ARHGEF12: variants seen among roughly 807,000 people sequenced by gnomAD.
ARHGEF12 encodes the protein Rho guanine nucleotide exchange factor 12, also known as KMT2A/ARHGEF12 fusion protein.
In ARHGEF12, 66 loss-of-function variants were observed where a neutral mutation model predicts 211.2. The ratio of observed to expected loss-of-function variants is 0.31; its 90% CI spans 0.26 to 0.38. ARHGEF12 has a LOEUF of 0.38. Among genes scored for constraint, ARHGEF12 ranks in the 10% least tolerant of loss-of-function variants. ARHGEF12 has a pLI of 1.00. For missense variants in ARHGEF12, 1,429 were observed against 1,869.5 expected (o/e 0.76, Z 4.34); for synonymous variants, 592 against 638.4 (o/e 0.93, Z 1.09).
rs761648305 is a variant in ARHGEF12, at chr11:120,441,767, T to C, written c.1153T>C (p.Leu385=). 1.2e-6 allele frequency: 2 copies of C among 1,613,914 alleles called. No individual in the cohort carries two copies. Among genetic ancestry groups the C allele is most frequent in the South Asian group, 2.2e-5 (2 of 91,074 alleles). The change falls in exon 14 of 41, where the codon TTG becomes CTG. Residue 385 remains leucine, a synonymous_variant. Transcript: ENST00000397843. ...ATTACTAAAATCTCGCCCGGCTCAT[T>C]TGGCTGTTTTCTTACACCATGTAGT... The part of the protein sequence containing the change: ...IELLKSRPAH[L]AVFLHHVVSQ...
chr11:120,484,988 C>T (rs1947362366), intron 40 of ARHGEF12, 79 bp from the exon 41 acceptor site: 9 of 1,457,920 alleles, frequency 6.2e-6, no homozygotes, highest in Non-Finnish European at 7.6e-6. Flanking sequence ...ACCACGCCCA[C>T]AGATGTCATG....
At chr11:120,427,938 C>T (rs1945397319) in intron 7 of ARHGEF12, 131 bp from the exon 8 acceptor site, 1 of 645,138 alleles carries the variant, frequency 1.6e-6, no homozygotes, top group Non-Finnish European at 2.4e-6. Context: ...CATGATGTAG[C>T]AGATGATGGG....
At chr11:120,378,013 A>G (rs972678321) in intron 1 of ARHGEF12, among the ~76,000 whole-genome samples, 1 of 150,750 alleles carries the variant, frequency 6.6e-6, no homozygotes, top group Non-Finnish European at 1.5e-5. Context: ...GGATCCTCCC[A>G]CCTCACCCTC....
intron 1 of ARHGEF12, among the ~76,000 whole-genome samples, chr11:120,382,576 A>G (rs111545818): frequency 7.9e-5 from 12 of 152,338 alleles, no homozygotes; most frequent in African/African-American, 2.9e-4. Flanking sequence ...GATTGTACCA[A>G]GTAATTTTCT....
chr11:120,377,747 A>G (rs1413228093), intron 1 of ARHGEF12, among the ~76,000 whole-genome samples: 1 of 152,076 alleles, frequency 6.6e-6, no homozygotes, highest in African/African-American at 2.4e-5. Context: ...TGAATAAGTC[A>G]GTTTCTTTAT....
At chr11:120,409,363 ATC>A (rs1565459973) in intron 3 of ARHGEF12, 29 bp from the exon 4 acceptor site, 2 of 1,610,570 alleles carry the variant, frequency 1.2e-6, no homozygotes, top group Non-Finnish European at 1.7e-6. Flanking sequence ...TATTTTCTAT[ATC>A]TCTCTCCTTT....
At chr11:120,433,621 T>G (rs1945609865) in intron 11 of ARHGEF12, among the ~76,000 whole-genome samples, 1 of 152,126 alleles carries the variant, frequency 6.6e-6, no homozygotes, top group South Asian at 2.1e-4. Context: ...TAGAGGAATG[T>G]TACAATAAAA....
intron 35 of ARHGEF12, 27 bp from the exon 36 acceptor site, chr11:120,477,419 GT>G (rs371114939): frequency 0.06 from 74,453 of 1,232,582 alleles, 1 homozygote; most frequent in Middle Eastern, 0.08. Context: ...GAAGGTAAAA[GT>G]TTTTTTTTTT....
chr11:120,362,091 T>C (rs1316773576), intron 1 of ARHGEF12, among the ~76,000 whole-genome samples: 2 of 152,218 alleles, frequency 1.3e-5, no homozygotes, highest in African/African-American at 2.4e-5. Flanking sequence ...AGAAAGAATA[T>C]CATGCTTGAT....
At chr11:120,438,860 A>T (rs560636585) in intron 12 of ARHGEF12, 2 of 152,218 alleles carry the variant, frequency 1.3e-5, no homozygotes, top group Admixed American at 1.3e-4. Flanking sequence ...GCATGTATTT[A>T]TGTATGTATA....
intron 36 of ARHGEF12, 101 bp downstream of exon 36, chr11:120,477,627 G>C: frequency 9.3e-7 from 1 of 1,076,108 alleles, no homozygotes; most frequent in Non-Finnish European, 1.4e-6. Flanking sequence ...TGCTTTGGGA[G>C]GTCGAGATAG....
chr11:120,474,188 ATAGAC>A (rs1946958333), intron 31 of ARHGEF12, among the ~76,000 whole-genome samples: 2 of 152,342 alleles, frequency 1.3e-5, no homozygotes, highest in South Asian at 4.1e-4. Flanking sequence ...CCACTTTCTT[ATAGAC>A]AAGCATATGT....
intron 5 of ARHGEF12, among the ~76,000 whole-genome samples, chr11:120,421,245 G>A (rs912818433): frequency 6.6e-6 from 1 of 152,020 alleles, no homozygotes; most frequent in African/African-American, 2.4e-5. Context: ...TTCTACTGCT[G>A]TTACCATATA....
At chr11:120,365,491 T>G (rs1051170781) in intron 1 of ARHGEF12, among the ~76,000 whole-genome samples, 1 of 152,218 alleles carries the variant, frequency 6.6e-6, no homozygotes, top group East Asian at 1.9e-4. Flanking sequence ...GGTGTTTAAA[T>G]GTAATACATT....
chr11:120,425,561 C>T (rs1278693557), intron 7 of ARHGEF12, among the ~76,000 whole-genome samples: 1 of 151,298 alleles, frequency 6.6e-6, no homozygotes, highest in Admixed American at 6.6e-5. Flanking sequence ...CCTCCTAAAG[C>T]GCTGGGATTA....
At chr11:120,484,673 T>C (rs562083776) in intron 40 of ARHGEF12, among the ~76,000 whole-genome samples, 166 bp downstream of exon 40, 4 of 152,246 alleles carry the variant, frequency 2.6e-5, no homozygotes, top group African/African-American at 9.6e-5. Flanking sequence ...TCATGCCTGC[T>C]GACTCTACTC....
intron 1 of ARHGEF12, among the ~76,000 whole-genome samples, chr11:120,368,624 A>C (rs1487100659): frequency 6.6e-6 from 1 of 152,230 alleles, no homozygotes; most frequent in Non-Finnish European, 1.5e-5. Flanking sequence ...ATGGTCACAC[A>C]ATCCATTGAG....
At chr11:120,402,977 A>G (rs4537767) in intron 1 of ARHGEF12, among the ~76,000 whole-genome samples, 28,615 of 152,152 alleles carry the variant, frequency 0.19, 3,044 homozygotes, top group Non-Finnish European at 0.23. Flanking sequence ...CTTGGTTAAA[A>G]TGTAAGTCTT....
At chr11:120,465,743 G>A (rs1166089228) in intron 28 of ARHGEF12, among the ~76,000 whole-genome samples, 1 of 152,198 alleles carries the variant, frequency 6.6e-6, no homozygotes, top group African/African-American at 2.4e-5. Context: ...GATTACAGGT[G>A]TGAGCCACTG....
Sources: allele counts gnomAD v4.1 joint callset (sites outside exome capture counted in the v4.1 genomes callset), GRCh38; gene constraint gnomAD v4.1.1; transcripts MANE v1.5; gene names NCBI Gene and HGNC (gene_info 2026-07-23, HGNC 2026-07-21).